The following KCNAB1 variants were observed in gnomAD, a reference collection of about 807,000 sequenced individuals.
KCNAB1 encodes the protein potassium voltage-gated channel subfamily A regulatory beta subunit 1, also known as voltage-gated potassium channel subunit beta-1.
KCNAB1 carries 35 observed loss-of-function variants against 64.6 expected under a neutral mutation model. The ratio of observed to expected loss-of-function variants is 0.54; its 90% CI spans 0.41 to 0.72. The LOEUF (loss-of-function observed/expected upper bound fraction) is 0.72. KCNAB1 is among the 30% of genes least tolerant of loss of function. The probability of loss-of-function intolerance (pLI) is 0.00; values close to 1 mark genes in which losing one functional copy is unlikely to be tolerated. For missense variants in KCNAB1, 401 were observed against 512.9 expected, an observed-to-expected ratio of 0.78 and a Z score of 2.11; for synonymous variants, 177 against 183.8, an observed-to-expected ratio of 0.96 and a Z score of 0.30.
chr3:156,182,628 T>C (rs1056526777), intron 1 of KCNAB1, among the ~76,000 whole-genome samples: 32 of 143,720 alleles, frequency 2.2e-4, no homozygotes, highest in Non-Finnish European at 3.6e-4. Context: ...TGGTTTTTTT[T>C]TCCCCCCCCC....
At chr3:156,293,057 C>T (rs1046306975) in intron 1 of KCNAB1, among the ~76,000 whole-genome samples, 2 of 152,154 alleles carry the variant, frequency 1.3e-5, no homozygotes, top group Admixed American at 6.5e-5. Flanking sequence ...TTAAAGCTTC[C>T]TCATCCCCTA....
intron 1 of KCNAB1, among the ~76,000 whole-genome samples, chr3:156,188,768 T>C (rs1303644468): frequency 2.6e-5 from 4 of 152,220 alleles, no homozygotes; most frequent in Non-Finnish European, 4.4e-5. Context: ...GTTGTAATCA[T>C]CATTTTGCAT....
At chr3:156,221,285 T>A (rs1715713902) in intron 1 of KCNAB1, among the ~76,000 whole-genome samples, 3 of 152,214 alleles carry the variant, frequency 2.0e-5, no homozygotes, top group Non-Finnish European at 2.9e-5. Context: ...GGGATAGCAT[T>A]GAATCTAAAT....
chr3:156,292,543 G>C (rs895754893), intron 1 of KCNAB1, among the ~76,000 whole-genome samples: 2 of 152,012 alleles, frequency 1.3e-5, no homozygotes, highest in African/African-American at 4.8e-5. Context: ...TTTATCTTTT[G>C]TTTGTTTTGT....
At chr3:156,210,281 C>T (rs1297294154) in intron 1 of KCNAB1, among the ~76,000 whole-genome samples, 1 of 152,118 alleles carries the variant, frequency 6.6e-6, no homozygotes, top group African/African-American at 2.4e-5. Flanking sequence ...GTACATTTCA[C>T]TTTTTCTGAA....
At chr3:156,391,818 A>G (rs1713063796) in intron 1 of KCNAB1, among the ~76,000 whole-genome samples, 1 of 152,240 alleles carries the variant, frequency 6.6e-6, no homozygotes, top group Admixed American at 6.5e-5. Context: ...TGTGACTTAG[A>G]TGGCACAGAG....
chr3:156,170,093 TTG>T (rs1174340578), intron 1 of KCNAB1, among the ~76,000 whole-genome samples: 1 of 152,142 alleles, frequency 6.6e-6, no homozygotes, highest in Non-Finnish European at 1.5e-5. Flanking sequence ...GCCAAGCACA[TTG>T]TGTTTTCTGA....
chr3:156,380,866 TC>T (rs1712099891), intron 1 of KCNAB1, among the ~76,000 whole-genome samples: 5 of 152,066 alleles, frequency 3.3e-5, no homozygotes, highest in Admixed American at 3.3e-4. Context: ...GACATCAGCC[TC>T]CAACTAAACT....
intron 1 of KCNAB1, among the ~76,000 whole-genome samples, chr3:156,265,940 C>T (rs1325905980): frequency 2.0e-5 from 3 of 152,072 alleles, no homozygotes; most frequent in Non-Finnish European, 2.9e-5. Flanking sequence ...TGCAGTGAGT[C>T]GAGATTGCAC....
In KCNAB1 at chr3:156,208,795, C is replaced by T. The variant is rs143389843; in HGVS notation, c.275+87909C>T. 2.8e-3 allele frequency among the ~76,000 whole-genome samples: 423 copies of T among 152,278 alleles called. 3 individuals are homozygous for T. Among genetic ancestry groups the T allele is most frequent in the African/African-American group, 9.4e-3 (391 of 41,544 alleles). On this transcript the variant is annotated intron_variant, in intron 1 of 13. Transcript: ENST00000490337. ...TTAGCCAGCATTCTTACTATGTGGG[C>T]ACATGTTCTATACACAGGGCAAGCC...
intron 1 of KCNAB1, among the ~76,000 whole-genome samples, chr3:156,238,281 C>G (rs1716961302): frequency 6.6e-6 from 1 of 151,818 alleles, no homozygotes; most frequent in Non-Finnish European, 1.5e-5. Context: ...AATTAGCTGG[C>G]CATGGTGGTG....
intron 3 of KCNAB1, among the ~76,000 whole-genome samples, chr3:156,454,410 C>T (rs1478233653): frequency 6.6e-6 from 1 of 152,132 alleles, no homozygotes; most frequent in Non-Finnish European, 1.5e-5. Context: ...AGTCATTGGA[C>T]CAGAGGCTGA....
intron 1 of KCNAB1, among the ~76,000 whole-genome samples, chr3:156,367,433 G>A (rs190328567): frequency 0.011 from 1,656 of 151,614 alleles, 19 homozygotes; most frequent in Non-Finnish European, 0.017. Flanking sequence ...TACCCGCCTC[G>A]GCCTCCCAAA....
chr3:156,372,234 T>TGGTGTGGAATAGTAG (rs1409388578), intron 1 of KCNAB1, among the ~76,000 whole-genome samples: 2 of 152,190 alleles, frequency 1.3e-5, no homozygotes, highest in Non-Finnish European at 2.9e-5. Context: ...AGTAATACAT[T>TGGTGTGGAATAGTAG]GAATAGTAGG....
intron 1 of KCNAB1, among the ~76,000 whole-genome samples, chr3:156,401,658 G>A (rs1346182806): frequency 2.0e-5 from 3 of 152,164 alleles, no homozygotes; most frequent in Non-Finnish European, 2.9e-5. Flanking sequence ...CTGCACCAAC[G>A]CTACAGCCAC....
At chr3:156,283,709 A>C (rs1315733554) in intron 1 of KCNAB1, among the ~76,000 whole-genome samples, 1 of 151,376 alleles carries the variant, frequency 6.6e-6, no homozygotes, top group African/African-American at 2.4e-5. Context: ...GCTTCATTTC[A>C]TTCATTTCAT....
At chr3:156,340,453 G>C (rs1724023211) in intron 1 of KCNAB1, among the ~76,000 whole-genome samples, 1 of 152,174 alleles carries the variant, frequency 6.6e-6, no homozygotes, top group African/African-American at 2.4e-5. Flanking sequence ...CCAGGTGCAA[G>C]GTCCTGGCAG....
chr3:156,294,140 G>A (rs1309681465), intron 1 of KCNAB1, among the ~76,000 whole-genome samples: 1 of 152,188 alleles, frequency 6.6e-6, no homozygotes, highest in African/African-American at 2.4e-5. Context: ...TTTTTCTGGT[G>A]GCACAGCTCA....
chr3:156,241,740 AT>A (rs1436693182), intron 1 of KCNAB1, among the ~76,000 whole-genome samples: 4 of 150,748 alleles, frequency 2.7e-5, no homozygotes, highest in Non-Finnish European at 5.9e-5. Context: ...TTTTAAATTT[AT>A]TTTTTATTAT....
Sources: gnomAD v4.1 joint callset for allele counts (sites outside exome capture counted in the v4.1 genomes callset) on GRCh38, gnomAD v4.1.1 for gene constraint, MANE v1.5 for transcripts, NCBI Gene and HGNC (gene_info 2026-07-23, HGNC 2026-07-21) for gene names.